The following PPA1 variants were observed in gnomAD, a reference collection of about 807,000 sequenced individuals.
PPA1 encodes the protein inorganic pyrophosphatase.
PPA1 carries 23 observed loss-of-function variants against 41.8 expected under a neutral mutation model. The ratio of observed to expected loss-of-function variants is 0.55; its 90% CI spans 0.40 to 0.78. PPA1 has a LOEUF of 0.78. Among genes scored for constraint, PPA1 ranks in the 30% least tolerant of loss-of-function variants. The pLI is 0.00. For synonymous variants in PPA1, 101 were observed against 116.8 expected (o/e 0.86, Z 0.87); for missense variants, 320 against 361.6 (o/e 0.89, Z 0.93).
intron 1 of PPA1, among the ~76,000 whole-genome samples, chr10:70,232,858 C>G (rs987312762): frequency 8.6e-5 from 13 of 152,002 alleles, no homozygotes; most frequent in African/African-American, 1.5e-4. Context: ...GTCACTGCCC[C>G]CCCCGGCCCG....
At chr10:70,209,795 C>T in intron 6 of PPA1, 110 bp from the exon 7 acceptor site, 11 of 1,269,984 alleles carry the variant, frequency 8.7e-6, no homozygotes, top group Non-Finnish European at 1.2e-5. Context: ...AACAAAAATT[C>T]CAAGTACTTA....
chr10:70,207,726 G>C (rs1219980777), intron 8 of PPA1, among the ~76,000 whole-genome samples: 3 of 152,228 alleles, frequency 2.0e-5, no homozygotes, highest in African/African-American at 7.2e-5. Context: ...AAAATCGTAA[G>C]ACAAGTCGTG....
Position 70,220,549 on chromosome 10 carries a change from A to AAT in PPA1, c.124-1734_124-1733dup, listed in dbSNP as rs201808965. On this transcript the variant is annotated intron_variant, in intron 2 of 10. Transcript: ENST00000373232. ...TGTATTATATATAATTTTTATGTAT[A>AAT]ATATATATATAATTATATATATAAT... Among the ~76,000 whole-genome samples, 2 of 31,110 alleles carry AAT rather than the reference A, an allele frequency of 6.4e-5. 1 individual carries two copies. Among genetic ancestry groups the AAT allele is most frequent in the Non-Finnish European group, 1.2e-4 (2 of 16,546 alleles). The allele number at this position is 31,110 out of a possible 152,430, so 20.4% of individuals were successfully genotyped here. A position where few individuals can be genotyped will look rare whatever the true frequency, so the allele number is the denominator to read the frequency against.
At chr10:70,203,333 T>C (rs553716281) in intron 10 of PPA1, 147 bp from the exon 11 acceptor site, 2 of 699,840 alleles carry the variant, frequency 2.9e-6, no homozygotes, top group East Asian at 2.6e-5. Flanking sequence ...AAAATTTCTC[T>C]ACAGCAAATG....
At chr10:70,204,812 A>C in intron 10 of PPA1, 61 bp downstream of exon 10, 1 of 1,307,148 alleles carries the variant, frequency 7.7e-7, no homozygotes, top group Non-Finnish European at 1.1e-6. Context: ...AAATAAAAGT[A>C]ACATAATTTT....
chr10:70,214,029 A>G (rs7476442), intron 5 of PPA1, among the ~76,000 whole-genome samples: 135,861 of 152,266 alleles, frequency 0.89, 60,797 homozygotes, highest in East Asian at 1. Flanking sequence ...ATTTCTCTGC[A>G]CCTGAGAGAG....
Position 70,221,076 on chromosome 10 carries a change from ATTT to A in PPA1, c.124-2262_124-2260del, listed in dbSNP as rs11310336. ...ATATAATTTATATATATATATATAT[ATTT>A]TTTTTTTTTTTTTTTTGTAGAGATG... On this transcript the variant is annotated intron_variant, in intron 2 of 10. Coordinates refer to ENST00000373232, the MANE Select transcript of PPA1 (RefSeq NM_021129.4). Among the ~76,000 whole-genome samples the A allele has an allele frequency of 2.1e-3, 84 of 40,028 alleles. 9 individuals carry two copies. The highest frequency in any genetic ancestry group is 0.015 in the African/African-American group (76 of 4,970). The allele number at this position is 40,028 out of a possible 152,430, so 26.3% of individuals were successfully genotyped here. A position where few individuals can be genotyped will look rare whatever the true frequency, so the allele number is the denominator to read the frequency against.
At chr10:70,210,292 G>A (rs1290801790) in intron 6 of PPA1, 1 of 993,624 alleles carries the variant, frequency 1.0e-6, no homozygotes, top group African/African-American at 1.7e-5. Flanking sequence ...GCCCAGGCTG[G>A]TCTCAAACTC....
At chr10:70,206,641 C>T (rs986641541) in intron 8 of PPA1, among the ~76,000 whole-genome samples, 10 of 150,896 alleles carry the variant, frequency 6.6e-5, no homozygotes, top group South Asian at 6.3e-4. Flanking sequence ...GTCAAGAGAT[C>T]GAGACCATCC....
intron 3 of PPA1, 26 bp downstream of exon 3, chr10:70,218,738 G>C: frequency 1.3e-6 from 2 of 1,572,888 alleles, no homozygotes; most frequent in Non-Finnish European, 1.7e-6. Flanking sequence ...TCCTAAGTCT[G>C]ACTCAAATGT....
rs1839920270 is a variant in PPA1 at position 70,204,867 on chromosome 10, T to A, written c.838+6A>T. 6.3e-7 allele frequency: 1 copy of A among 1,581,694 alleles called. No individual in the cohort carries two copies. The highest frequency in any genetic ancestry group is 8.6e-7 in the Non-Finnish European group (1 of 1,160,022). On this transcript the variant is annotated splice_donor_region_variant and intron_variant, in intron 10 of 10. Transcript: ENST00000373232. ...TAATGAAATTTTACTGGAATAGAAA[T>A]CTTACCGTCTGTTGGTACTGTGCAG...
chr10:70,223,768 A>AT (rs1840200161), intron 2 of PPA1, among the ~76,000 whole-genome samples: 1 of 152,202 alleles, frequency 6.6e-6, no homozygotes, highest in Non-Finnish European at 1.5e-5. Flanking sequence ...AAAAATACTG[A>AT]TTTTAAGAAA....
At chr10:70,205,034 T>A in intron 9 of PPA1, 119 bp from the exon 10 acceptor site, 1 of 682,472 alleles carries the variant, frequency 1.5e-6, no homozygotes, top group East Asian at 2.8e-5. Context: ...GATCTAAACG[T>A]AATTTATAAT....
At chr10:70,221,861 A>C (rs989120911) in intron 2 of PPA1, among the ~76,000 whole-genome samples, 7 of 152,248 alleles carry the variant, frequency 4.6e-5, no homozygotes, top group African/African-American at 1.7e-4. Flanking sequence ...AACTATATTG[A>C]ACACTTTAAT....
intron 1 of PPA1, among the ~76,000 whole-genome samples, chr10:70,232,858 C>CCCG (rs996594606): frequency 1.2e-4 from 19 of 152,118 alleles, no homozygotes; most frequent in African/African-American, 4.6e-4. Context: ...GTCACTGCCC[C>CCCG]CCCCGGCCCG....
intron 4 of PPA1, among the ~76,000 whole-genome samples, chr10:70,215,111 C>T (rs1172448325): frequency 1.3e-5 from 2 of 152,166 alleles, no homozygotes; most frequent in African/African-American, 4.8e-5. Flanking sequence ...AGGAGAATCG[C>T]TTGAACCCAG....
rs999346596 is a variant in PPA1, at chr10:70,217,115, G to A, written c.297+697C>T. On this transcript the variant is annotated intron_variant, in intron 4 of 10. Transcript: ENST00000373232. Reference sequence around the variant, plus strand: ...AGCTTTTGCAGTGAGCCGAGATCACGCCACTGCACTCCAGCCCGGGTGACA... The same window carrying A: ...AGCTTTTGCAGTGAGCCGAGATCACACCACTGCACTCCAGCCCGGGTGACA... 2.6e-5 allele frequency among the ~76,000 whole-genome samples: 4 copies of A among 151,144 alleles called. No individual in the cohort carries two copies. The South Asian group carries it at 6.3e-4, about 24-fold the overall frequency.
At chr10:70,212,970 C>T (rs998149517) in intron 6 of PPA1, among the ~76,000 whole-genome samples, 2 of 152,106 alleles carry the variant, frequency 1.3e-5, no homozygotes, top group Non-Finnish European at 2.9e-5. Flanking sequence ...TAGGCAAATC[C>T]ATAGGCACAA....
intron 1 of PPA1, among the ~76,000 whole-genome samples, chr10:70,232,004 C>G (rs917210909): frequency 6.6e-6 from 1 of 152,218 alleles, no homozygotes; most frequent in Non-Finnish European, 1.5e-5. Context: ...TCCAGAAAAA[C>G]AGTCCCATGA....
Sources: allele counts gnomAD v4.1 joint callset (sites outside exome capture counted in the v4.1 genomes callset), GRCh38; gene constraint gnomAD v4.1.1; transcripts MANE v1.5; gene names NCBI Gene and HGNC (gene_info 2026-07-23, HGNC 2026-07-21).